Variants in C11orf65 observed in about 807,000 individuals in gnomAD.
C11orf65 encodes the protein protein MFI.
C11orf65 carries 38 observed loss-of-function variants against 35.3 expected under a neutral mutation model. The ratio of observed to expected loss-of-function variants is 1.08; its 90% CI spans 0.83 to 1.41. C11orf65 has a LOEUF of 1.41. C11orf65 is among the 40% of genes most tolerant of loss of function. The probability of loss-of-function intolerance (pLI) is 0.00; values close to 1 mark genes in which losing one functional copy is unlikely to be tolerated. For missense variants in C11orf65, 370 were observed against 367.1 expected, an observed-to-expected ratio of 1.01 and a Z score of -0.06; for synonymous variants, 105 against 114.4, an observed-to-expected ratio of 0.92 and a Z score of 0.53.
At chr11:108,434,728 T>G (rs1451129010) in intron 2 of C11orf65, among the ~76,000 whole-genome samples, 1 of 152,220 alleles carries the variant, frequency 6.6e-6, no homozygotes, top group African/African-American at 2.4e-5. Context: ...AACACTTCTT[T>G]TCTCACTGGA....
chr11:108,308,934 G>A, exon 7 of C11orf65: 2 of 1,251,298 alleles, frequency 1.6e-6, no homozygotes, highest in Non-Finnish European at 2.3e-6. Context: ...TCTTGGTGTT[G>A]GGAGGCAGTT....
chr11:108,329,499 C>T (rs532557540), downstream of C11orf65, among the ~76,000 whole-genome samples: 18 of 152,120 alleles, frequency 1.2e-4, no homozygotes, highest in Admixed American at 5.2e-4. Context: ...ACTGCAACCT[C>T]GACCTCCTGG....
intron 6 of C11orf65, among the ~76,000 whole-genome samples, chr11:108,404,947 C>T (rs2092512353): frequency 1.3e-5 from 2 of 152,126 alleles, no homozygotes; most frequent in Non-Finnish European, 1.5e-5. Context: ...CACATGACCT[C>T]GGTAACAGAC....
At chr11:108,367,842 C>T (rs3092839) in intron 2 of C11orf65, 58 of 207,778 alleles carry the variant, frequency 2.8e-4, no homozygotes, top group African/African-American at 1.2e-3. Flanking sequence ...GTATCTTTTT[C>T]TTACAAGCTG....
chr11:108,355,043 A>G (rs925659978), intron 2 of C11orf65: 13 of 628,976 alleles, frequency 2.1e-5, no homozygotes, highest in Admixed American at 1.1e-4. Flanking sequence ...ACATCCAAAA[A>G]TACTGGTTTA....
chr11:108,463,605 G>A (rs779147853), intron 1 of C11orf65, among the ~76,000 whole-genome samples: 17 of 152,058 alleles, frequency 1.1e-4, no homozygotes, highest in African/African-American at 1.9e-4. Flanking sequence ...TGATTTTGCC[G>A]AAGTTACTTA....
At position 108,426,083 on chromosome 11, in the gene C11orf65, G is replaced by A. The variant is rs558186747; in HGVS notation, c.174+5663C>T. ...GCTGGATGCATTCCCTTTGAAAACC[G>A]GTATAAGACAAGGATGCCCTCTCTT... On this transcript the variant is annotated intron_variant, in intron 3 of 8. Coordinates refer to ENST00000393084, the MANE Select transcript of C11orf65 (RefSeq NM_152587.5). Among the ~76,000 whole-genome samples, 33 of 152,146 alleles carry A rather than the reference G, an allele frequency of 2.2e-4. No individual in the cohort carries two copies. The East Asian group carries it at 3.7e-3, about 17-fold the overall frequency.
intron 2 of C11orf65, among the ~76,000 whole-genome samples, chr11:108,362,664 T>C (rs1416351316): frequency 2.7e-5 from 4 of 148,088 alleles, no homozygotes; most frequent in Admixed American, 6.7e-5. Flanking sequence ...ATGGATGAAA[T>C]TGGAAATCAT....
intron 3 of C11orf65, among the ~76,000 whole-genome samples, chr11:108,413,386 T>C (rs1424139823): frequency 6.6e-6 from 1 of 152,192 alleles, no homozygotes; most frequent in Non-Finnish European, 1.5e-5. Flanking sequence ...CACTCCACTC[T>C]CTACGTTCAT....
intron 2 of C11orf65, among the ~76,000 whole-genome samples, chr11:108,443,789 A>G (rs998764018): frequency 2.0e-5 from 3 of 152,220 alleles, no homozygotes; most frequent in Non-Finnish European, 4.4e-5. Context: ...AAGACACAAC[A>G]TACCAGAATC....
intron 2 of C11orf65, among the ~76,000 whole-genome samples, chr11:108,445,818 G>A (rs1163348684): frequency 6.6e-6 from 1 of 151,944 alleles, no homozygotes; most frequent in African/African-American, 2.4e-5. Context: ...ACGATCAAAC[G>A]ACTCCGAGCT....
intron 2 of C11orf65, among the ~76,000 whole-genome samples, chr11:108,335,642 A>C (rs957905291): frequency 5.3e-5 from 8 of 152,242 alleles, no homozygotes; most frequent in Admixed American, 3.3e-4. Flanking sequence ...AGAAGTAGCG[A>C]GGGGAAACTT....
At chr11:108,385,101 C>T (rs10789659) in intron 8 of C11orf65, among the ~76,000 whole-genome samples, 92,312 of 151,742 alleles carry the variant, frequency 0.61, 28,308 homozygotes, top group Middle Eastern at 0.76. Flanking sequence ...AACTTTTTTT[C>T]TTCACTCTGT....
intron 1 of C11orf65, among the ~76,000 whole-genome samples, chr11:108,464,666 T>C (rs1369877318): frequency 1.3e-5 from 2 of 152,142 alleles, no homozygotes; most frequent in African/African-American, 2.4e-5. Flanking sequence ...GGTGCACATA[T>C]ATATTTGAAT....
chr11:108,445,714 C>T (rs1200157887), intron 2 of C11orf65, among the ~76,000 whole-genome samples: 4 of 151,782 alleles, frequency 2.6e-5, no homozygotes, highest in Admixed American at 2.0e-4. Flanking sequence ...AAGCAGAGCA[C>T]CTCTCCTCCT....
intron 3 of C11orf65, among the ~76,000 whole-genome samples, chr11:108,422,921 A>G (rs2092841147): frequency 6.6e-6 from 1 of 151,926 alleles, no homozygotes; most frequent in South Asian, 2.1e-4. Context: ...CACACCATAC[A>G]CAGAGGTCAG....
chr11:108,469,570 G>A (rs890165520), upstream of C11orf65, among the ~76,000 whole-genome samples: 6 of 151,752 alleles, frequency 4.0e-5, no homozygotes, highest in African/African-American at 9.7e-5. Context: ...TATTTTTAAT[G>A]TAGTGCTTAT....
chr11:108,458,882 C>T (rs574983257), intron 2 of C11orf65, among the ~76,000 whole-genome samples: 2 of 152,098 alleles, frequency 1.3e-5, no homozygotes, highest in African/African-American at 4.8e-5. Flanking sequence ...GTATCTCACT[C>T]AATAAATCTC....
chr11:108,362,987 A>T (rs1191697706), intron 2 of C11orf65, among the ~76,000 whole-genome samples: 1 of 152,132 alleles, frequency 6.6e-6, no homozygotes, highest in Non-Finnish European at 1.5e-5. Context: ...CAAAACAAAC[A>T]AACAAAAAAA....
Sources: gnomAD v4.1 joint callset for allele counts (sites outside exome capture counted in the v4.1 genomes callset) on GRCh38, gnomAD v4.1.1 for gene constraint, MANE v1.5 for transcripts, NCBI Gene and HGNC (gene_info 2026-07-23, HGNC 2026-07-21) for gene names.